The following KLHL1 variants were observed in gnomAD, a reference collection of about 807,000 sequenced individuals.
KLHL1 encodes kelch like family member 1.
A neutral mutation model predicts 77.7 loss-of-function variants in KLHL1; 47 were observed. That is an observed-to-expected ratio of 0.60 (90% CI 0.48 to 0.77). The LOEUF (loss-of-function observed/expected upper bound fraction) is 0.77. Ranked by LOEUF, KLHL1 falls within the 30% of genes least tolerant of loss-of-function variation. The pLI is 0.00. For synonymous variants in KLHL1, 360 were observed against 325.2 expected, an observed-to-expected ratio of 1.11 and a Z score of -1.15; for missense variants, 925 against 910.8, an observed-to-expected ratio of 1.02 and a Z score of -0.20.
intron 1 of KLHL1, among the ~76,000 whole-genome samples, chr13:70,085,780 CT>C (rs1478058295): frequency 6.6e-6 from 1 of 152,096 alleles, no homozygotes; most frequent in Non-Finnish European, 1.5e-5. Context: ...AAGAGAATCG[CT>C]TGAACCTGGG....
At chr13:69,742,027 C>T (rs1015358579) in intron 7 of KLHL1, among the ~76,000 whole-genome samples, 3 of 152,104 alleles carry the variant, frequency 2.0e-5, no homozygotes, top group African/African-American at 7.2e-5. Flanking sequence ...AAAACTCTAC[C>T]ACCTTTGTTT....
intron 1 of KLHL1, among the ~76,000 whole-genome samples, chr13:70,037,127 G>C (rs1258049774): frequency 6.6e-6 from 1 of 151,852 alleles, no homozygotes; most frequent in South Asian, 2.1e-4. Flanking sequence ...TACTTAGTAA[G>C]ATATTTTTCA....
chr13:70,070,661 A>C (rs1887117349), intron 1 of KLHL1, among the ~76,000 whole-genome samples: 1 of 152,144 alleles, frequency 6.6e-6, no homozygotes, highest in Non-Finnish European at 1.5e-5. Flanking sequence ...TCAGGCCTAC[A>C]TATAGAAAGG....
intron 9 of KLHL1, among the ~76,000 whole-genome samples, chr13:69,708,006 C>T (rs1016964547): frequency 2.6e-5 from 4 of 151,876 alleles, no homozygotes; most frequent in Non-Finnish European, 5.9e-5. Flanking sequence ...TATTCAGACT[C>T]ATAGATGAAT....
At chr13:69,780,745 CAT>C (rs72123116) in intron 7 of KLHL1, among the ~76,000 whole-genome samples, 1,234 of 33,810 alleles carry the variant, frequency 0.036, 52 homozygotes, top group African/African-American at 0.083. Context: ...TATATATATA[CAT>C]ATATATATAT....
At chr13:69,955,538 T>C (rs958670681) in intron 3 of KLHL1, among the ~76,000 whole-genome samples, 14 of 151,390 alleles carry the variant, frequency 9.2e-5, no homozygotes, top group African/African-American at 3.4e-4. Context: ...ACTTTGTTAG[T>C]AACTCTGCAA....
Position 69,837,604 on chromosome 13 carries a change from A to ATCTCTC in KLHL1, c.1414+1366_1414+1371dup, listed in dbSNP as rs533594880. On this transcript the variant is annotated intron_variant, in intron 6 of 10. Transcript: ENST00000377844. ...AGTTATACTATATATATACACATACATCTCTCTCTCTATATATATGTGTGT... is the reference window on the plus strand; with the variant it reads ...AGTTATACTATATATATACACATACATCTCTCTCTCTCTCTCTATATATATGTGTGT... Among the ~76,000 whole-genome samples, 553 of 138,360 alleles carry ATCTCTC rather than the reference A, an allele frequency of 4.0e-3. 2 individuals are homozygous for ATCTCTC. Among genetic ancestry groups the ATCTCTC allele is most frequent in the Middle Eastern group, 0.012 (3 of 254 alleles). 90.8% of individuals were successfully genotyped at this position (138,360 alleles called of 152,430 possible). A position where few individuals can be genotyped will look rare whatever the true frequency, so the allele number is the denominator to read the frequency against.
In KLHL1 at chr13:69,701,659, C is replaced by G. The variant is rs752597843; in HGVS notation, c.*43G>C. 25 of 1,401,332 alleles carry G rather than the reference C, an allele frequency of 1.8e-5. No homozygotes were observed. The highest frequency in any genetic ancestry group is 2.3e-5 in the Non-Finnish European group (23 of 996,354). 86.8% of individuals were successfully genotyped at this position (1,401,332 alleles called of 1,614,324 possible). A position where few individuals can be genotyped will look rare whatever the true frequency, so the allele number is the denominator to read the frequency against. ...TTCTTGCCATTCAATATAAAAATAA[C>G]CACTCCAGCAAGTAAAATCTTTCCA... On this transcript the variant is annotated 3_prime_UTR_variant, in exon 11 of 11. Transcript: ENST00000377844.
intron 7 of KLHL1, among the ~76,000 whole-genome samples, chr13:69,782,522 C>T (rs543074956): frequency 6.6e-6 from 1 of 152,324 alleles, no homozygotes; most frequent in East Asian, 1.9e-4. Context: ...ATATCCTGCA[C>T]CTGGCTTGGA....
intron 6 of KLHL1, among the ~76,000 whole-genome samples, chr13:69,819,188 A>G (rs1357495174): frequency 1.3e-5 from 2 of 152,234 alleles, no homozygotes; most frequent in Non-Finnish European, 2.9e-5. Context: ...TTGCAACAAT[A>G]CAGATAATAA....
Position 69,940,219 on chromosome 13 carries a change from C to T in KLHL1, c.835G>A (p.Glu279Lys). The T allele has an allele frequency of 6.2e-7, 1 of 1,605,192 alleles. No individual in the cohort carries two copies. The highest frequency in any genetic ancestry group is 8.5e-7 in the Non-Finnish European group (1 of 1,177,198). ...GCAAGAAGGTTCTCAATGGTGTCCTCTTTTAATTCCAAGCAGCCTAAACAT... is the reference window on the plus strand; with the variant it reads ...GCAAGAAGGTTCTCAATGGTGTCCTTTTTTAATTCCAAGCAGCCTAAACAT... ...FAYTGCLELK[E>K]DTIENLLAAA... is the part of the protein sequence containing the mutation. Residue 279 changes from glutamate (E) to lysine (K), a missense_variant, in exon 4 of 11, where the codon GAG becomes AAG. Transcript: ENST00000377844.
chr13:69,899,621 G>A (rs1300881460), intron 4 of KLHL1, among the ~76,000 whole-genome samples: 1 of 152,132 alleles, frequency 6.6e-6, no homozygotes, highest in Non-Finnish European at 1.5e-5. Context: ...TGCCTACTCT[G>A]AAGAAAAAGT....
chr13:69,885,572 A>T (rs1881185325), intron 4 of KLHL1, among the ~76,000 whole-genome samples: 1 of 152,102 alleles, frequency 6.6e-6, no homozygotes, highest in African/African-American at 2.4e-5. Flanking sequence ...ATTATGTGTT[A>T]TTGCTAAAAG....
At chr13:69,959,908 C>T (rs1221582637) in intron 3 of KLHL1, among the ~76,000 whole-genome samples, 1 of 151,962 alleles carries the variant, frequency 6.6e-6, no homozygotes, top group Non-Finnish European at 1.5e-5. Flanking sequence ...TCCTCCCTTC[C>T]TTCGTTTCAG....
intron 4 of KLHL1, among the ~76,000 whole-genome samples, chr13:69,931,810 AGATG>A (rs1224180344): frequency 2.6e-5 from 4 of 151,794 alleles, no homozygotes; most frequent in Non-Finnish European, 5.9e-5. Flanking sequence ...AACAGAAATT[AGATG>A]GGAAATTATG....
At chr13:70,084,032 A>C (rs545953287) in intron 1 of KLHL1, among the ~76,000 whole-genome samples, 3 of 152,194 alleles carry the variant, frequency 2.0e-5, no homozygotes, top group African/African-American at 7.2e-5. Flanking sequence ...AGTGGATAAC[A>C]ACATGTGCTT....
chr13:69,718,453 A>T (rs748726871), intron 9 of KLHL1, among the ~76,000 whole-genome samples: 12 of 151,958 alleles, frequency 7.9e-5, no homozygotes, highest in Non-Finnish European at 1.5e-4. Context: ...AATATCATGG[A>T]TATGTAGCAT....
intron 1 of KLHL1, among the ~76,000 whole-genome samples, chr13:70,010,037 A>T (rs1885495403): frequency 1.3e-5 from 2 of 152,194 alleles, no homozygotes; most frequent in Admixed American, 1.3e-4. Context: ...AGGAGAAAAA[A>T]AAAAGCAAGG....
intron 1 of KLHL1, among the ~76,000 whole-genome samples, chr13:70,042,513 A>C (rs1346017961): frequency 6.6e-6 from 1 of 152,144 alleles, no homozygotes; most frequent in Non-Finnish European, 1.5e-5. Context: ...CACTGAAGCC[A>C]CCCAAAAGTA....
Sources: allele counts gnomAD v4.1 joint callset (sites outside exome capture counted in the v4.1 genomes callset), GRCh38; gene constraint gnomAD v4.1.1; transcripts MANE v1.5; gene names NCBI Gene and HGNC (gene_info 2026-07-23, HGNC 2026-07-21).